CHN1: variants seen among roughly 807,000 people sequenced by gnomAD.
The protein encoded by CHN1 is chimerin 1.
Under a neutral mutation model 59.5 loss-of-function variants are expected in CHN1, and 37 were observed. The observed-to-expected ratio is 0.62, with a 90% CI of 0.48 to 0.82. The LOEUF is 0.82. Among genes scored for constraint, CHN1 ranks in the 40% least tolerant of loss-of-function variants. CHN1 has a pLI of 0.00. For missense variants in CHN1, 469 were observed against 571.0 expected, an observed-to-expected ratio of 0.82 and a Z score of 1.82; for synonymous variants, 206 against 200.4, an observed-to-expected ratio of 1.03 and a Z score of -0.24.
intron 1 of CHN1, among the ~76,000 whole-genome samples, chr2:174,961,107 G>A: frequency 6.6e-6 from 1 of 151,112 alleles, no homozygotes; most frequent in East Asian, 2.0e-4. Flanking sequence ...TAGTCTGGGT[G>A]ACACTGACGG....
rs758727808 is a variant in CHN1, at chr2:174,858,259, C to G, written c.550-11302G>C. ...TTTCCTTTCTATGGCAAAAATAAAC[C>G]ACAGTTTGATTAGAATATATCAATT... On this transcript the variant is annotated intron_variant, in intron 6 of 12. Coordinates refer to ENST00000409900, the MANE Select transcript of CHN1 (RefSeq NM_001822.7). Among the ~76,000 whole-genome samples, 143 of 152,072 alleles carry G rather than the reference C, an allele frequency of 9.4e-4. 1 individual carries two copies. The highest frequency in any genetic ancestry group is 3.4e-3 in the Middle Eastern group (1 of 294).
At chr2:174,940,640 T>C (rs1163671542) in intron 3 of CHN1, among the ~76,000 whole-genome samples, 2 of 152,208 alleles carry the variant, frequency 1.3e-5, no homozygotes, top group African/African-American at 4.8e-5. Flanking sequence ...AGATTTAAGT[T>C]AAACAGTTTT....
intron 7 of CHN1, among the ~76,000 whole-genome samples, chr2:174,832,522 G>A (rs553779739): frequency 6.6e-6 from 1 of 151,954 alleles, no homozygotes; most frequent in East Asian, 1.9e-4. Context: ...TTTTCAATCA[G>A]TTCAAAATAT....
At chr2:174,921,194 G>A (rs555294922) in intron 3 of CHN1, among the ~76,000 whole-genome samples, 1 of 152,262 alleles carries the variant, frequency 6.6e-6, no homozygotes, top group Admixed American at 6.5e-5. Context: ...CTGGGGATTG[G>A]GGACACCTAA....
At chr2:174,944,798 C>T in intron 3 of CHN1, 90 bp downstream of exon 3, 1 of 840,530 alleles carries the variant, frequency 1.2e-6, no homozygotes. Flanking sequence ...AGTGGTTAAT[C>T]TCACAAACAA....
At chr2:174,869,736 A>C (rs1292082092) in intron 6 of CHN1, among the ~76,000 whole-genome samples, 1 of 152,208 alleles carries the variant, frequency 6.6e-6, no homozygotes, top group Non-Finnish European at 1.5e-5. Flanking sequence ...TCCACATTAT[A>C]AATAAAAACA....
chr2:174,824,229 G>T (rs1558939492), intron 8 of CHN1, among the ~76,000 whole-genome samples: 1 of 152,194 alleles, frequency 6.6e-6, no homozygotes. Context: ...GATCCCTAGT[G>T]TGCTGTCCAT....
At chr2:174,814,292 T>C (rs1323551513) in intron 8 of CHN1, among the ~76,000 whole-genome samples, 1 of 152,196 alleles carries the variant, frequency 6.6e-6, no homozygotes, top group East Asian at 1.9e-4. Context: ...AAGAGCTCAA[T>C]CTACACTATC....
At chr2:174,884,989 G>C (rs574624472) in intron 5 of CHN1, among the ~76,000 whole-genome samples, 2 of 152,056 alleles carry the variant, frequency 1.3e-5, no homozygotes, top group South Asian at 4.2e-4. Flanking sequence ...AAGAATTTTT[G>C]AAAATACACA....
intron 5 of CHN1, among the ~76,000 whole-genome samples, chr2:174,882,931 T>C (rs998940917): frequency 2.0e-5 from 3 of 152,216 alleles, no homozygotes; most frequent in Non-Finnish European, 4.4e-5. Flanking sequence ...ATATACAACA[T>C]TAAAATGATA....
At chr2:174,992,843 C>T in intron 1 of CHN1, among the ~76,000 whole-genome samples, 1 of 152,066 alleles carries the variant, frequency 6.6e-6, no homozygotes. Context: ...ACTCTGTCAC[C>T]CAGGCTGGAG....
chr2:174,827,371 G>A (rs904957412), intron 7 of CHN1, among the ~76,000 whole-genome samples: 4 of 152,164 alleles, frequency 2.6e-5, no homozygotes, highest in African/African-American at 7.2e-5. Context: ...TTTGCAAAGT[G>A]TGAGAGAAGC....
chr2:174,937,169 A>C (rs908188935), intron 3 of CHN1, among the ~76,000 whole-genome samples: 12 of 152,220 alleles, frequency 7.9e-5, no homozygotes, highest in African/African-American at 2.9e-4. Context: ...AAGGTGATAC[A>C]CATTTGGTTT....
rs1369824088 is a variant in CHN1 at position 175,004,893 on chromosome 2, C to A, written c.19+1G>T. 1.3e-6 allele frequency: 2 copies of A among 1,513,494 alleles called. No individual in the cohort carries two copies. Among genetic ancestry groups the A allele is most frequent in the Non-Finnish European group, 1.8e-6 (2 of 1,133,266 alleles). The allele number at this position is 1,513,494 out of a possible 1,614,324, so 93.8% of individuals were successfully genotyped here. A position where few individuals can be genotyped will look rare whatever the true frequency, so the allele number is the denominator to read the frequency against. On this transcript the variant is annotated splice_donor_variant, in intron 1 of 12. Transcript: ENST00000409900. LOFTEE classifies it high-confidence loss of function. ...CGGCGCGGGGAGACGGCTGCACTTA[C>A]CAAACAGGGTCAGGGCCATTGTAAA...
In CHN1 at chr2:174,915,156, G is replaced by T. The variant is rs765089532; in HGVS notation, c.162C>A (p.Ile54=). ...KYYGREFHGM[I]SREAADQLLI... Reference sequence around the variant, plus strand: ...AGAGCTGGTCGGCTGCTTCTCTGGAGATCATGCCATGAAACCTAAGAAACA... The same window carrying T: ...AGAGCTGGTCGGCTGCTTCTCTGGATATCATGCCATGAAACCTAAGAAACA... The change falls in exon 5 of 13, where the codon ATC becomes ATA. Residue 54 remains isoleucine, a synonymous_variant. Transcript: ENST00000409900. 1.1e-5 allele frequency: 17 copies of T among 1,609,968 alleles called. No individual in the cohort carries two copies. Among genetic ancestry groups the T allele is most frequent in the Non-Finnish European group, 1.4e-5 (17 of 1,178,124 alleles).
intron 5 of CHN1, among the ~76,000 whole-genome samples, chr2:174,900,818 A>G (rs1221572073): frequency 6.6e-6 from 1 of 152,098 alleles, no homozygotes; most frequent in Non-Finnish European, 1.5e-5. Context: ...AAAAAAAAAA[A>G]GTAACTATCA....
At chr2:174,800,493 T>C (rs1341503009) in intron 12 of CHN1, among the ~76,000 whole-genome samples, 1 of 152,248 alleles carries the variant, frequency 6.6e-6, no homozygotes, top group Non-Finnish European at 1.5e-5. Context: ...TGGTAATCAC[T>C]GAGGCTCAAG....
chr2:174,894,421 A>G (rs189227603), intron 5 of CHN1, among the ~76,000 whole-genome samples: 15 of 152,260 alleles, frequency 9.9e-5, no homozygotes, highest in East Asian at 3.9e-4. Context: ...CCATAATGAG[A>G]TATCACTCCA....
chr2:174,917,682 C>T (rs1293358622), intron 4 of CHN1, among the ~76,000 whole-genome samples: 1 of 152,050 alleles, frequency 6.6e-6, no homozygotes, highest in Non-Finnish European at 1.5e-5. Context: ...ACAACCTTAA[C>T]TTTGAAATCA....
Sources: gnomAD v4.1 joint callset for allele counts (sites outside exome capture counted in the v4.1 genomes callset) on GRCh38, gnomAD v4.1.1 for gene constraint, MANE v1.5 for transcripts, NCBI Gene and HGNC (gene_info 2026-07-23, HGNC 2026-07-21) for gene names.